Variants in NCALD observed in about 807,000 individuals in gnomAD.
NCALD encodes neurocalcin-delta.
A neutral mutation model predicts 18.6 loss-of-function variants in NCALD; 10 were observed. The observed-to-expected ratio is 0.54, with a 90% confidence interval of 0.33 to 0.91. The LOEUF is 0.91. Ranked by LOEUF, NCALD falls within the 40% of genes least tolerant of loss-of-function variation. The pLI is 0.03. For synonymous variants in NCALD, 88 were observed against 87.4 expected, an observed-to-expected ratio of 1.01 and a Z score of -0.04; for missense variants, 184 against 247.6, an observed-to-expected ratio of 0.74 and a Z score of 1.72.
At chr8:101,946,561 T>A (rs1303748785) in intron 2 of NCALD, among the ~76,000 whole-genome samples, 1 of 152,116 alleles carries the variant, frequency 6.6e-6, no homozygotes, top group African/African-American at 2.4e-5. Flanking sequence ...CTAAAAAGGA[T>A]AAGACATCAT....
At chr8:101,841,288 G>T (rs904204829) in intron 4 of NCALD, among the ~76,000 whole-genome samples, 1 of 152,168 alleles carries the variant, frequency 6.6e-6, no homozygotes, top group African/African-American at 2.4e-5. Context: ...TCACAGGGAG[G>T]CTGTGAGAAC....
chr8:102,104,997 T>C (rs370161685), intron 1 of NCALD, among the ~76,000 whole-genome samples: 13 of 152,202 alleles, frequency 8.5e-5, no homozygotes, highest in South Asian at 2.1e-4. Flanking sequence ...GAGCTTCTGA[T>C]GGTATCTCGA....
chr8:101,933,537 T>G (rs761416203), intron 2 of NCALD, among the ~76,000 whole-genome samples: 2 of 152,238 alleles, frequency 1.3e-5, no homozygotes, highest in Non-Finnish European at 2.9e-5. Context: ...TCTGTGCTGT[T>G]TGAAGCCTCT....
chr8:101,902,649 T>C (rs908205409), intron 3 of NCALD, among the ~76,000 whole-genome samples: 2 of 152,240 alleles, frequency 1.3e-5, no homozygotes, highest in African/African-American at 4.8e-5. Context: ...GCTTTCCTCC[T>C]CTGGCCTTTT....
At chr8:101,832,126 C>T (rs1041962541) in intron 4 of NCALD, among the ~76,000 whole-genome samples, 4 of 152,106 alleles carry the variant, frequency 2.6e-5, no homozygotes, top group Admixed American at 6.6e-5. Flanking sequence ...TACCAGGCTT[C>T]GTGGTCTGGT....
At position 101,688,870 on chromosome 8, in the gene NCALD, G is replaced by C; in HGVS notation, c.*439C>G. 1 of 625,218 alleles carries C rather than the reference G, an allele frequency of 1.6e-6. No individual in the cohort carries two copies. The allele number at this position is 625,218 out of a possible 1,614,324, so 38.7% of individuals were successfully genotyped here. ...TTGTTCTTGGGGAATCCAGCATCCG[G>C]TGCCATCCATCACCCCTACGGCACG... is the stretch of plus-strand genomic sequence containing the variant. On this transcript the variant is annotated 3_prime_UTR_variant, in exon 4 of 4. Coordinates refer to ENST00000220931, the MANE Select transcript of NCALD (RefSeq NM_032041.3).
At chr8:101,764,006 A>C (rs1811235013) in intron 1 of NCALD, among the ~76,000 whole-genome samples, 1 of 120,126 alleles carries the variant, frequency 8.3e-6, no homozygotes, top group Non-Finnish European at 1.8e-5. Flanking sequence ...ACACACACAC[A>C]CACACACACC....
At chr8:101,829,262 A>G (rs1324443914) in intron 4 of NCALD, among the ~76,000 whole-genome samples, 1 of 152,236 alleles carries the variant, frequency 6.6e-6, no homozygotes, top group East Asian at 1.9e-4. Context: ...GAATAACTGA[A>G]TAACTCATCT....
intron 2 of NCALD, among the ~76,000 whole-genome samples, chr8:101,931,020 A>G (rs1339293287): frequency 6.6e-6 from 1 of 152,158 alleles, no homozygotes; most frequent in Non-Finnish European, 1.5e-5. Context: ...TATCAGTACC[A>G]TATAAGCAGA....
At chr8:101,863,304 C>T (rs1815621727) in intron 4 of NCALD, among the ~76,000 whole-genome samples, 2 of 152,246 alleles carry the variant, frequency 1.3e-5, no homozygotes, top group African/African-American at 4.8e-5. Flanking sequence ...GATTTACCCA[C>T]TCAATCCGGA....
rs112505788 is a variant in NCALD at position 101,827,652 on chromosome 8, A to G, written c.-20+59489T>C. ...GCATGTCCTGGAATTGTGCTATGTG[A>G]TGGTTCCAAGTTATTACATCAGATA... On this transcript the variant is annotated intron_variant, in intron 4 of 6. Coordinates refer to the NCALD transcript ENST00000311028. Among the ~76,000 whole-genome samples the G allele has an allele frequency of 5.7e-3, 867 of 152,334 alleles. 11 individuals carry two copies. The highest frequency in any genetic ancestry group is 0.018 in the African/African-American group (762 of 41,578).
At chr8:102,008,862 T>G (rs1263953345) in intron 2 of NCALD, among the ~76,000 whole-genome samples, 9 of 151,334 alleles carry the variant, frequency 5.9e-5, no homozygotes, top group African/African-American at 2.2e-4. Flanking sequence ...GGGTTTCTCC[T>G]GTTTATCTGA....
intron 2 of NCALD, among the ~76,000 whole-genome samples, chr8:101,953,183 GTGGCTCACCCCCGTCACCCATTTCATC>G (rs1819497174): frequency 2.0e-5 from 3 of 152,080 alleles, no homozygotes; most frequent in Non-Finnish European, 2.9e-5. Context: ...AGATGGGGCA[GTGGCTCACCCCCGTCACCCATTTCATC>G]TGTCACCAGA....
chr8:101,751,593 T>C (rs1810661919), intron 1 of NCALD, among the ~76,000 whole-genome samples: 1 of 152,102 alleles, frequency 6.6e-6, no homozygotes, highest in Admixed American at 6.6e-5. Flanking sequence ...AACATCTCCA[T>C]GAAAGGGGAG....
At chr8:102,016,805 C>T (rs919952548) in intron 2 of NCALD, among the ~76,000 whole-genome samples, 1 of 152,112 alleles carries the variant, frequency 6.6e-6, no homozygotes, top group African/African-American at 2.4e-5. Flanking sequence ...ATCAAAATTA[C>T]AAGACACTCA....
At chr8:101,924,017 T>C (rs569323575) in intron 2 of NCALD, among the ~76,000 whole-genome samples, 14 of 152,250 alleles carry the variant, frequency 9.2e-5, no homozygotes, top group African/African-American at 3.4e-4. Flanking sequence ...AACAATCCCA[T>C]CATCCAGGCC....
chr8:101,815,399 A>G (rs1425275991), intron 4 of NCALD, among the ~76,000 whole-genome samples: 3 of 152,120 alleles, frequency 2.0e-5, no homozygotes, highest in Admixed American at 2.0e-4. Context: ...TGCTAGAACA[A>G]TTGGATATCC....
At chr8:102,112,492 A>T (rs1335358963) in intron 1 of NCALD, among the ~76,000 whole-genome samples, 3 of 152,162 alleles carry the variant, frequency 2.0e-5, no homozygotes, top group Admixed American at 6.5e-5. Flanking sequence ...AAAAAAAAAA[A>T]TTGTTATCAA....
At chr8:101,928,246 G>A (rs764052023) in intron 2 of NCALD, among the ~76,000 whole-genome samples, 2 of 152,088 alleles carry the variant, frequency 1.3e-5, no homozygotes, top group Admixed American at 6.5e-5. Flanking sequence ...CAGCTAACCC[G>A]GTAGAAGAAC....
Sources: allele counts gnomAD v4.1 joint callset (sites outside exome capture counted in the v4.1 genomes callset), GRCh38; gene constraint gnomAD v4.1.1; transcripts MANE v1.5; gene names NCBI Gene and HGNC (gene_info 2026-07-23, HGNC 2026-07-21).